TAFA2: variants seen among roughly 807,000 people sequenced by gnomAD.
TAFA2 encodes chemokine-like protein TAFA-2.
TAFA2 carries 7 observed loss-of-function variants against 18.8 expected under a neutral mutation model. That is an observed-to-expected ratio of 0.37 (90% confidence interval 0.21 to 0.70). The LOEUF is 0.70. Ranked by LOEUF, TAFA2 falls within the 30% of genes least tolerant of loss-of-function variation. The probability of loss-of-function intolerance (pLI) is 0.53; values close to 1 mark genes in which losing one functional copy is unlikely to be tolerated. For synonymous variants in TAFA2, 60 were observed against 54.2 expected (o/e 1.11, Z -0.47); for missense variants, 122 against 158.1 (o/e 0.77, Z 1.23).
intron 2 of TAFA2, among the ~76,000 whole-genome samples, chr12:61,837,472 G>A (rs576458578): frequency 4.6e-5 from 7 of 152,088 alleles, no homozygotes; most frequent in Non-Finnish European, 8.8e-5. Context: ...TGACAGACAT[G>A]CCCTTGGTGT....
chr12:61,989,628 A>G (rs918218764), intron 1 of TAFA2, among the ~76,000 whole-genome samples: 9 of 152,188 alleles, frequency 5.9e-5, no homozygotes, highest in Admixed American at 2.0e-4. Context: ...GAAGGTGCAC[A>G]TGAGAAGCTG....
intron 1 of TAFA2, among the ~76,000 whole-genome samples, chr12:61,916,459 A>T (rs1186840374): frequency 6.6e-6 from 1 of 152,176 alleles, no homozygotes; most frequent in African/African-American, 2.4e-5. Flanking sequence ...GGGTTGATAA[A>T]TGGTCATCAT....
intron 1 of TAFA2, among the ~76,000 whole-genome samples, chr12:62,140,727 T>C (rs760149545): frequency 3.3e-5 from 5 of 152,144 alleles, no homozygotes; most frequent in Non-Finnish European, 7.4e-5. Context: ...CAGCCTAGGG[T>C]GGTGCCCAGT....
intron 1 of TAFA2, among the ~76,000 whole-genome samples, chr12:62,215,329 G>T (rs1165985842): frequency 6.6e-6 from 1 of 152,124 alleles, no homozygotes; most frequent in African/African-American, 2.4e-5. Flanking sequence ...TCCCTTCTCA[G>T]TAGTTGCTCC....
rs144516608 is a variant in TAFA2, at chr12:61,857,187, T to A, written c.106+10133A>T. Among the ~76,000 whole-genome samples, 657 of 136,464 alleles carry A rather than the reference T, an allele frequency of 4.8e-3. 2 individuals are homozygous for A. Among genetic ancestry groups the A allele is most frequent in the African/African-American group, 0.015 (606 of 39,970 alleles). 89.5% of individuals were successfully genotyped at this position (136,464 alleles called of 152,430 possible). On this transcript the variant is annotated intron_variant, in intron 2 of 4. Transcript: ENST00000416284. ...TACAAATGTAACCAAGCTTTAAGAGTTATATAAGAGTCTCAAATTAATAAT... is the reference window on the plus strand; with the variant it reads ...TACAAATGTAACCAAGCTTTAAGAGATATATAAGAGTCTCAAATTAATAAT...
chr12:61,742,173 G>T (rs1868486296), intron 4 of TAFA2, among the ~76,000 whole-genome samples: 1 of 152,110 alleles, frequency 6.6e-6, no homozygotes, highest in Admixed American at 6.6e-5. Context: ...GGGATTACAG[G>T]CATGAGCCAC....
At chr12:62,200,927 G>A (rs573291061) in intron 1 of TAFA2, among the ~76,000 whole-genome samples, 11 of 152,252 alleles carry the variant, frequency 7.2e-5, no homozygotes, top group Admixed American at 2.0e-4. Context: ...CTGAGCAGTG[G>A]TTCGTAGTTC....
intron 1 of TAFA2, among the ~76,000 whole-genome samples, chr12:61,915,460 A>G (rs1292916421): frequency 6.6e-6 from 1 of 152,216 alleles, no homozygotes; most frequent in Non-Finnish European, 1.5e-5. Context: ...TCTCAAGAGA[A>G]ACTGAACCAA....
chr12:61,879,832 G>A, intron 1 of TAFA2: 2 of 1,336,620 alleles, frequency 1.5e-6, no homozygotes. Flanking sequence ...ACATGCAGGA[G>A]CTGGTGGAGG....
At chr12:61,966,181 C>T (rs917226573) in intron 1 of TAFA2, among the ~76,000 whole-genome samples, 1 of 151,980 alleles carries the variant, frequency 6.6e-6, no homozygotes, top group Non-Finnish European at 1.5e-5. Flanking sequence ...TTCTGTGCTG[C>T]TATAAAAAAA....
At chr12:61,873,593 T>C (rs934602047) in intron 1 of TAFA2, among the ~76,000 whole-genome samples, 1 of 152,190 alleles carries the variant, frequency 6.6e-6, no homozygotes, top group African/African-American at 2.4e-5. Flanking sequence ...GTATAAACTA[T>C]TATTGTTATT....
chr12:61,871,052 A>G (rs11174207), intron 1 of TAFA2, among the ~76,000 whole-genome samples: 1 of 152,084 alleles, frequency 6.6e-6, no homozygotes, highest in South Asian at 2.1e-4. Flanking sequence ...AGTGGTTAAC[A>G]TGAGAGGAAG....
At chr12:61,990,624 C>T (rs943502815) in intron 1 of TAFA2, among the ~76,000 whole-genome samples, 24 of 151,262 alleles carry the variant, frequency 1.6e-4, no homozygotes, top group African/African-American at 5.8e-4. Flanking sequence ...CAGGCATGAG[C>T]GCCCGGCCCA....
intron 4 of TAFA2, among the ~76,000 whole-genome samples, chr12:61,735,068 A>T (rs1565755520): frequency 6.6e-6 from 1 of 152,198 alleles, no homozygotes; most frequent in South Asian, 2.1e-4. Flanking sequence ...TGTTAGTTAG[A>T]ACTTAATTAG....
Position 61,790,265 on chromosome 12 carries a change from C to T in TAFA2, c.107-35241G>A, listed in dbSNP as rs61367602. Among the ~76,000 whole-genome samples the T allele has an allele frequency of 2.3e-4, 35 of 151,702 alleles. 1 individual carries two copies. The East Asian group carries it at 6.4e-3, about 28-fold the overall frequency. ...TGGCAAACCCACAGCTAACATCATACTAAATGGAGAAAAGCTAAACACTTT... is the reference window on the plus strand; with the variant it reads ...TGGCAAACCCACAGCTAACATCATATTAAATGGAGAAAAGCTAAACACTTT... On this transcript the variant is annotated intron_variant, in intron 2 of 4. Coordinates refer to ENST00000416284, the MANE Select transcript of TAFA2 (RefSeq NM_178539.5).
intron 1 of TAFA2, among the ~76,000 whole-genome samples, chr12:62,009,557 A>C (rs1409806188): frequency 6.6e-6 from 1 of 152,224 alleles, no homozygotes; most frequent in Non-Finnish European, 1.5e-5. Context: ...GCATTTAGAC[A>C]CGAGCAATTC....
intron 1 of TAFA2, among the ~76,000 whole-genome samples, chr12:62,122,564 A>C (rs1056271755): frequency 1.1e-4 from 17 of 152,160 alleles, no homozygotes; most frequent in African/African-American, 3.9e-4. Context: ...AATAAGGCAT[A>C]AAGAGGTTAA....
chr12:61,746,480 T>G (rs1592361581), intron 4 of TAFA2, among the ~76,000 whole-genome samples: 1 of 152,188 alleles, frequency 6.6e-6, no homozygotes, highest in East Asian at 1.9e-4. Context: ...ATAGCCTGAA[T>G]GAGCTTGGAA....
chr12:62,039,897 G>T (rs1050322537), intron 1 of TAFA2, among the ~76,000 whole-genome samples: 6 of 152,130 alleles, frequency 3.9e-5, no homozygotes, highest in African/African-American at 1.4e-4. Context: ...CCAAGCATTT[G>T]CATATCCAAA....
Sources: allele counts gnomAD v4.1 joint callset (sites outside exome capture counted in the v4.1 genomes callset), GRCh38; gene constraint gnomAD v4.1.1; transcripts MANE v1.5; gene names NCBI Gene and HGNC (gene_info 2026-07-23, HGNC 2026-07-21).